The following TAF4B variants were observed in gnomAD, a reference collection of about 807,000 sequenced individuals.
TAF4B encodes the protein TATA-box binding protein associated factor 4b, also known as transcription initiation factor TFIID subunit 4B.
A neutral mutation model predicts 86.4 loss-of-function variants in TAF4B; 38 were observed. The observed-to-expected ratio is 0.44, with a 90% CI of 0.34 to 0.58. The LOEUF is 0.58. Among genes scored for constraint, TAF4B ranks in the 20% least tolerant of loss-of-function variants. TAF4B has a pLI of 0.02. For missense variants in TAF4B, 988 were observed against 1,027.6 expected, an observed-to-expected ratio of 0.96 and a Z score of 0.53; for synonymous variants, 388 against 391.2, an observed-to-expected ratio of 0.99 and a Z score of 0.10.
At chr18:26,235,727 C>T (rs1204007288) in intron 1 of TAF4B, among the ~76,000 whole-genome samples, 1 of 152,148 alleles carries the variant, frequency 6.6e-6, no homozygotes, top group Non-Finnish European at 1.5e-5. Context: ...CAGGGGAGTG[C>T]AGAAGAAGGC....
intron 9 of TAF4B, among the ~76,000 whole-genome samples, chr18:26,304,231 T>C (rs2056771953): frequency 6.7e-6 from 1 of 150,052 alleles, no homozygotes; most frequent in Non-Finnish European, 1.5e-5. Context: ...ATATAAAATA[T>C]ATGTTCACAT....
chr18:26,324,413 C>T (rs569391674), intron 11 of TAF4B, among the ~76,000 whole-genome samples: 8 of 152,110 alleles, frequency 5.3e-5, no homozygotes, highest in African/African-American at 9.7e-5. Flanking sequence ...TGCCTGGCCA[C>T]GTGAGTACAT....
chr18:26,362,570 C>G (rs552469055), intron 14 of TAF4B, among the ~76,000 whole-genome samples: 1 of 151,852 alleles, frequency 6.6e-6, no homozygotes, highest in Non-Finnish European at 1.5e-5. Flanking sequence ...GGGAGAAAAC[C>G]GAATGTGCTG....
chr18:26,374,402 T>C (rs1467857360), intron 14 of TAF4B, among the ~76,000 whole-genome samples: 1 of 152,228 alleles, frequency 6.6e-6, no homozygotes, highest in Non-Finnish European at 1.5e-5. Flanking sequence ...TGTAGTATTC[T>C]CACAGGACCA....
At chr18:26,332,382 C>T (rs1486490784) in intron 12 of TAF4B, among the ~76,000 whole-genome samples, 2 of 152,224 alleles carry the variant, frequency 1.3e-5, no homozygotes, top group African/African-American at 4.8e-5. Context: ...CTACAAATTG[C>T]TCTGCGTGCC....
intron 5 of TAF4B, among the ~76,000 whole-genome samples, chr18:26,276,399 ATGGATT>A (rs2056385069): frequency 6.6e-6 from 1 of 152,180 alleles, no homozygotes; most frequent in African/African-American, 2.4e-5. Flanking sequence ...TAACAAACAA[ATGGATT>A]TGGATTTTTT....
intron 10 of TAF4B, among the ~76,000 whole-genome samples, chr18:26,319,600 T>A (rs1199753134): frequency 6.6e-6 from 1 of 152,128 alleles, no homozygotes; most frequent in Non-Finnish European, 1.5e-5. Flanking sequence ...ATTTTTATTT[T>A]TTTTTTGAGA....
At chr18:26,256,872 G>T (rs1391367556) in intron 1 of TAF4B, among the ~76,000 whole-genome samples, 4 of 150,016 alleles carry the variant, frequency 2.7e-5, no homozygotes, top group Non-Finnish European at 5.9e-5. Flanking sequence ...TGTAGGTGGA[G>T]ACCATACATT....
chr18:26,323,318 A>G (rs2056977559), intron 11 of TAF4B, among the ~76,000 whole-genome samples: 2 of 151,944 alleles, frequency 1.3e-5, no homozygotes, highest in Non-Finnish European at 2.9e-5. Flanking sequence ...GCAGTATTAA[A>G]ATCTTCAACT....
At chr18:26,260,616 G>A (rs994727649) in intron 1 of TAF4B, among the ~76,000 whole-genome samples, 2 of 151,988 alleles carry the variant, frequency 1.3e-5, no homozygotes, top group African/African-American at 4.8e-5. Context: ...ATTTCTGAGG[G>A]CTCTGTTCTG....
intron 9 of TAF4B, among the ~76,000 whole-genome samples, chr18:26,302,371 A>T (rs1440158850): frequency 1.1e-4 from 10 of 93,072 alleles, no homozygotes; most frequent in Non-Finnish European, 1.6e-4. Context: ...TTCATATTAA[A>T]TTTTTTTTTT....
intron 12 of TAF4B, 99 bp from the exon 13 acceptor site, chr18:26,335,076 T>A: frequency 1.1e-6 from 1 of 870,744 alleles, no homozygotes; most frequent in Middle Eastern, 2.3e-4. Context: ...GCTAAGATAT[T>A]CAATCACAAG....
intron 14 of TAF4B, among the ~76,000 whole-genome samples, chr18:26,388,000 A>G (rs80045759): frequency 6.6e-6 from 1 of 152,194 alleles, no homozygotes; most frequent in African/African-American, 2.4e-5. Flanking sequence ...CAAGAAACCC[A>G]AAAAGGTGGA....
intron 9 of TAF4B, among the ~76,000 whole-genome samples, chr18:26,303,673 C>G (rs1451822543): frequency 7.2e-6 from 1 of 139,298 alleles, no homozygotes; most frequent in Non-Finnish European, 1.5e-5. Context: ...CTTTCATACC[C>G]CCTCCACTTT....
intron 9 of TAF4B, among the ~76,000 whole-genome samples, chr18:26,309,245 A>ATTTTTTTTTTTTTTTTT (rs59457633): frequency 1.2e-5 from 1 of 84,590 alleles, no homozygotes; most frequent in African/African-American, 3.8e-5. Flanking sequence ...ACCTGACAGT[A>ATTTTTTTTTTTTTTTTT]TTTTTTTTTT....
chr18:26,256,543 T>C (rs1243785566), intron 1 of TAF4B, among the ~76,000 whole-genome samples: 2 of 152,024 alleles, frequency 1.3e-5, no homozygotes, highest in Non-Finnish European at 2.9e-5. Flanking sequence ...TCTTTTCTTC[T>C]GCTTGCTTTA....
intron 14 of TAF4B, among the ~76,000 whole-genome samples, chr18:26,384,923 T>C (rs1460143397): frequency 6.6e-6 from 1 of 152,186 alleles, no homozygotes; most frequent in African/African-American, 2.4e-5. Flanking sequence ...GTTCTGTATA[T>C]CTTATGCCGC....
intron 8 of TAF4B, among the ~76,000 whole-genome samples, chr18:26,293,170 C>G (rs1193764755): frequency 6.6e-6 from 1 of 151,988 alleles, no homozygotes; most frequent in East Asian, 1.9e-4. Context: ...GTTTCAGGTG[C>G]CTTTTACCCA....
intron 1 of TAF4B, among the ~76,000 whole-genome samples, chr18:26,245,344 A>C (rs1027730544): frequency 3.3e-5 from 5 of 152,096 alleles, no homozygotes; most frequent in Admixed American, 3.3e-4. Context: ...TGAGTGTTAG[A>C]GCTCTTACAG....
Sources: allele counts gnomAD v4.1 joint callset (sites outside exome capture counted in the v4.1 genomes callset), GRCh38; gene constraint gnomAD v4.1.1; transcripts MANE v1.5; gene names NCBI Gene and HGNC (gene_info 2026-07-23, HGNC 2026-07-21).